CTSA: variants seen among roughly 807,000 people sequenced by gnomAD.
The protein encoded by CTSA is cathepsin A.
A neutral mutation model predicts 66.7 loss-of-function variants in CTSA; 42 were observed. The ratio of observed to expected loss-of-function variants is 0.63; its 90% confidence interval spans 0.49 to 0.81. The LOEUF (loss-of-function observed/expected upper bound fraction) is 0.81, where lower values mean the gene tolerates loss of function less well. CTSA is among the 40% of genes least tolerant of loss of function. The probability of loss-of-function intolerance (pLI) is 0.00; values close to 1 mark genes in which losing one functional copy is unlikely to be tolerated. For missense variants in CTSA, 525 were observed against 610.9 expected (o/e 0.86, Z 1.48); for synonymous variants, 225 against 248.6 (o/e 0.91, Z 0.89).
intron 12 of CTSA, chr20:45,897,247 C>T: frequency 1.6e-6 from 1 of 615,570 alleles, no homozygotes; most frequent in South Asian, 1.9e-5. Flanking sequence ...GCCTAGGGGT[C>T]TGCATCAGCC....
chr20:45,893,398 C>T lies in CTSA; in HGVS notation c.692+87C>T, dbSNP rs986977915. 6 of 1,005,040 alleles carry T rather than the reference C, an allele frequency of 6.0e-6. No homozygotes were observed. The Admixed American group carries it at 7.0e-5, about 12-fold the overall frequency. The allele number at this position is 1,005,040 out of a possible 1,614,324, so 62.3% of individuals were successfully genotyped here. On this transcript the variant is annotated intron_variant, in intron 7 of 14. Coordinates refer to ENST00000646241, the MANE Select transcript of CTSA (RefSeq NM_000308.4). ...TCCTCCAGGCACATGATATGACAGG[C>T]CCAGCCCAGGTTTATGAGCAGCAGG...
At chr20:45,895,571 CCAAAG>C (rs1987209251) in intron 11 of CTSA, among the ~76,000 whole-genome samples, 1 of 152,086 alleles carries the variant, frequency 6.6e-6, no homozygotes, top group South Asian at 2.1e-4. Context: ...TTTCAGCCTC[CCAAAG>C]TACTGGGATT....
In CTSA at chr20:45,898,240, T is replaced by C. The variant is rs915406824; in HGVS notation, c.1360-127T>C. On this transcript the variant is annotated intron_variant, in intron 14 of 14. Transcript: ENST00000646241. This position sits in a 1 kb window ranked among gnomAD's most constrained non-coding sequence, Gnocchi z 4.6. The stretch of plus-strand genomic sequence containing the variant: ...CTGGCCCCTGTATGGGCAAGTTTTT[T>C]TGGAGAGGGGTGGGGAGGGTTCTGG... 7.5e-7 allele frequency: 1 copy of C among 1,335,928 alleles called. No individual in the cohort carries two copies. Among genetic ancestry groups the C allele is most frequent in the Non-Finnish European group, 1.1e-6 (1 of 947,360 alleles). 82.8% of individuals were successfully genotyped at this position (1,335,928 alleles called of 1,614,324 possible).
At chr20:45,893,510 T>A in intron 7 of CTSA, 199 bp downstream of exon 7, 1 of 581,412 alleles carries the variant, frequency 1.7e-6, no homozygotes, top group African/African-American at 1.9e-5. Context: ...TGAGACAGAT[T>A]CTTACTTTGT....
At chr20:45,892,612 CA>C in intron 5 of CTSA, 112 bp from the exon 6 acceptor site, 4 of 1,509,038 alleles carry the variant, frequency 2.7e-6, no homozygotes, top group Non-Finnish European at 3.7e-6. Flanking sequence ...GTATGGTGGC[CA>C]GTCACTTCCT....
intron 7 of CTSA, 34 bp downstream of exon 7, chr20:45,893,345 T>C: frequency 6.6e-7 from 1 of 1,511,168 alleles, no homozygotes; most frequent in Non-Finnish European, 9.2e-7. Flanking sequence ...ATCTCTGGGG[T>C]GAGGCAGGTC....
rs1408806720 is a variant in CTSA at position 45,891,389 on chromosome 20, C to T, written c.-1+10C>T. Reference sequence around the variant, plus strand: ...ACGCGGGGGAGCAGAGGTGAGCTGGCACCGGAGGCTGGAGGGGATCCCCGA... The same window carrying T: ...ACGCGGGGGAGCAGAGGTGAGCTGGTACCGGAGGCTGGAGGGGATCCCCGA... On this transcript the variant is annotated intron_variant, in intron 1 of 14. Coordinates refer to ENST00000646241, the MANE Select transcript of CTSA (RefSeq NM_000308.4). The surrounding 1 kb of genome is among the most constrained non-coding windows in gnomAD (Gnocchi z 4.6). 2.6e-6 allele frequency: 4 copies of T among 1,568,154 alleles called. 1 individual carries two copies. The South Asian group carries it at 3.5e-5, about 14-fold the overall frequency.
intron 8 of CTSA, 77 bp from the exon 9 acceptor site, chr20:45,894,573 A>C: frequency 7.7e-7 from 1 of 1,303,964 alleles, no homozygotes. Flanking sequence ...CAAGAGCAGT[A>C]AATCTTGGGA....
At chr20:45,892,117 C>T (rs1391209307) in intron 3 of CTSA, 90 bp downstream of exon 3, 6 of 1,474,296 alleles carry the variant, frequency 4.1e-6, no homozygotes, top group Non-Finnish European at 5.7e-6. Context: ...AAAAAGTTTC[C>T]TTCCTTCTAA....
chr20:45,891,368 G>C lies in CTSA; in HGVS notation c.-12G>C, dbSNP rs770340993. On this transcript the variant is annotated 5_prime_UTR_variant, in exon 1 of 15. Transcript: ENST00000646241. This position sits in a 1 kb window ranked among gnomAD's most constrained non-coding sequence, Gnocchi z 4.6. ...GGCGCCTCCTGGAGAGCAAGGACGC[G>C]GGGGAGCAGAGGTGAGCTGGCACCG... The C allele has an allele frequency of 9.5e-6, 15 of 1,574,968 alleles. No individual in the cohort carries two copies. Among genetic ancestry groups the C allele is most frequent in the Non-Finnish European group, 1.2e-5 (14 of 1,160,858 alleles).
intron 3 of CTSA, 29 bp from the exon 4 acceptor site, chr20:45,892,244 A>T: frequency 6.2e-7 from 1 of 1,612,590 alleles, no homozygotes; most frequent in Non-Finnish European, 8.5e-7. Context: ...GGCCCTTGGG[A>T]CTTACTCAGC....
Position 45,894,893 on chromosome 20 carries a change from T to C in CTSA, c.940T>C (p.Trp314Arg), listed in dbSNP as rs1568764795. ...CACTCGCCTGCCACTCAAGCGGATGTGGCATCAGGTGTGCGAGGGCGTGGG... is the reference window on the plus strand; with the variant it reads ...CACTCGCCTGCCACTCAAGCGGATGCGGCATCAGGTGTGCGAGGGCGTGGG... Reference protein sequence around the residue: ...IFTRLPLKRMWHQALLRSGDK... With the variant: ...IFTRLPLKRMRHQALLRSGDK... The change falls in exon 10 of 15, where the codon TGG (tryptophan) becomes CGG (arginine). Residue 314 changes from tryptophan to arginine, a missense_variant. This residue lies in a region of CTSA where 274 missense variants were observed against 321.1 expected (regional missense o/e 0.85). Coordinates refer to ENST00000646241, the MANE Select transcript of CTSA (RefSeq NM_000308.4). 4 of 1,614,080 alleles carry C rather than the reference T, an allele frequency of 2.5e-6. No individual in the cohort carries two copies. The highest frequency in any genetic ancestry group is 3.4e-6 in the Non-Finnish European group (4 of 1,180,016).
chr20:45,891,602 C>T lies in CTSA; in HGVS notation c.34C>T (p.Leu12=), dbSNP rs1198041692. Residue 12 remains leucine, a synonymous_variant, in exon 2 of 15, where the codon CTG becomes TTG. Coordinates refer to ENST00000646241, the MANE Select transcript of CTSA (RefSeq NM_000308.4). The surrounding 1 kb of genome is among the most constrained non-coding windows in gnomAD (Gnocchi z 4.6). ...AGCCGCGCCGCCGCCGCTGTTCCTG[C>T]TGCTGCTGCTGCTGCTGCTGCTAGT... is the stretch of plus-strand genomic sequence containing the variant. ...IRAAPPPLFL[L]LLLLLLLVSW... 6 of 723,806 alleles carry T rather than the reference C, an allele frequency of 8.3e-6. No individual in the cohort carries two copies. The highest frequency in any genetic ancestry group is 1.1e-5 in the Non-Finnish European group (6 of 527,322). The allele number at this position is 723,806 out of a possible 1,614,324, so 44.8% of individuals were successfully genotyped here. A position where few individuals can be genotyped will look rare whatever the true frequency, so the allele number is the denominator to read the frequency against.
rs768610868 is a variant in CTSA, at chr20:45,893,231, G to A, written c.612G>A (p.Val204=). 25 of 1,613,972 alleles carry A rather than the reference G, an allele frequency of 1.5e-5. No homozygotes were observed. The highest frequency in any genetic ancestry group is 1.7e-6 in the Non-Finnish European group (2 of 1,179,972). ...DPSMNLQGLA[V]GNGLSSYEQN... is the part of the protein sequence containing the mutation. ...TGGGTGTTTCACAGGGGCTGGCTGT[G>A]GGCAATGGACTCTCCTCCTATGAGC... is the stretch of plus-strand genomic sequence containing the variant. The change falls in exon 7 of 15, where the codon GTG becomes GTA. Residue 204 remains valine, a synonymous_variant. Coordinates refer to ENST00000646241, the MANE Select transcript of CTSA (RefSeq NM_000308.4).
Position 45,897,230 on chromosome 20 carries a change from A to G in CTSA, c.1164+190A>G, listed in dbSNP as rs1051929327. On this transcript the variant is annotated intron_variant, in intron 12 of 14. Coordinates refer to ENST00000646241, the MANE Select transcript of CTSA (RefSeq NM_000308.4). ...TTGTCCCCACCCATGCTGTCCTGCT[A>G]TAGGAGGCCTAGGGGTCTGCATCAG... 6.2e-6 allele frequency: 4 copies of G among 650,360 alleles called. No homozygotes were observed. In the African/African-American group the frequency reaches 7.2e-5, roughly 12 times the overall value. 40.3% of individuals were successfully genotyped at this position (650,360 alleles called of 1,614,324 possible).
chr20:45,898,413 C>T lies in CTSA; in HGVS notation c.1406C>T (p.Thr469Ile), dbSNP rs749848408. 3.7e-6 allele frequency: 6 copies of T among 1,613,950 alleles called. No individual in the cohort carries two copies. In the Admixed American group the frequency reaches 8.3e-5, roughly 22 times the overall value. Residue 469 changes from threonine to isoleucine, a missense_variant, in exon 15 of 15, where the codon ACC becomes ATC. Coordinates refer to ENST00000646241, the MANE Select transcript of CTSA (RefSeq NM_000308.4). This position sits in a 1 kb window ranked among gnomAD's most constrained non-coding sequence, Gnocchi z 4.6. ...VPTDKPLAAF[T>I]MFSRFLNKQP... ...ACCGACAAGCCCCTCGCTGCCTTCA[C>T]CATGTTCTCCCGCTTCCTGAACAAG... is the stretch of plus-strand genomic sequence containing the variant.
rs767198904 is a variant in CTSA, at chr20:45,898,021, G to A, written c.1271G>A (p.Arg424Gln). Reference sequence around the variant, plus strand: ...GTGGGGCAGATGGAGGTGCAGCGCCGGCCCTGGTTAGTGAAGTACGGGGAC... The same window carrying A: ...GTGGGGCAGATGGAGGTGCAGCGCCAGCCCTGGTTAGTGAAGTACGGGGAC... Reference protein sequence around the residue: ...SLNQKMEVQRRPWLVKYGDSG... With the variant: ...SLNQKMEVQRQPWLVKYGDSG... The change falls in exon 14 of 15, where the codon CGG becomes CAG. Residue 424 changes from arginine to glutamine, a missense_variant. Physicochemically the swap from Arg to Gln is conservative, Grantham distance 43. Around this residue, in one of 3 missense-constraint regions of CTSA, gnomAD observed 274 missense variants for 321.1 expected, o/e 0.85. Coordinates refer to ENST00000646241, the MANE Select transcript of CTSA (RefSeq NM_000308.4). This position sits in a 1 kb window ranked among gnomAD's most constrained non-coding sequence, Gnocchi z 4.6. 3.7e-6 allele frequency: 6 copies of A among 1,614,172 alleles called. No homozygotes were observed. Among genetic ancestry groups the A allele is most frequent in the African/African-American group, 1.3e-5 (1 of 75,044 alleles).
At chr20:45,896,731 C>T in intron 11 of CTSA, 1 of 550,038 alleles carries the variant, frequency 1.8e-6, no homozygotes, top group Non-Finnish European at 3.3e-6. Flanking sequence ...GCCACCACGC[C>T]CAGCATCCCT....
intron 8 of CTSA, chr20:45,894,338 T>C (rs1987125316): frequency 1.6e-6 from 1 of 613,120 alleles, no homozygotes; most frequent in Non-Finnish European, 2.9e-6. Flanking sequence ...TGCTGAACTG[T>C]GTCTATGTAG....
Sources: allele counts gnomAD v4.1 joint callset (sites outside exome capture counted in the v4.1 genomes callset), GRCh38; gene constraint gnomAD v4.1.1; regional missense constraint gnomAD v4.1.1; non-coding constraint Gnocchi (gnomAD v3.1); transcripts MANE v1.5; gene names NCBI Gene and HGNC (gene_info 2026-07-23, HGNC 2026-07-21).